Variants in WDR7 observed in about 807,000 individuals in gnomAD.
WDR7 encodes the protein WD repeat-containing protein 7.
A neutral mutation model predicts 169.4 loss-of-function variants in WDR7; 46 were observed. The ratio of observed to expected loss-of-function variants is 0.27; its 90% CI spans 0.21 to 0.35. The LOEUF is 0.35. WDR7 is among the 10% of genes least tolerant of loss of function. WDR7 has a pLI of 1.00. For missense variants in WDR7, 1,534 were observed against 1,859.3 expected (o/e 0.83, Z 3.22); for synonymous variants, 612 against 666.8 (o/e 0.92, Z 1.27).
At position 56,757,261 on chromosome 18, in the gene WDR7, C is replaced by T. The variant is rs552040287; in HGVS notation, c.2668C>T (p.His890Tyr). The change falls in exon 15 of 28, where the codon CAT (histidine) becomes TAT (tyrosine). Residue 890 changes from histidine (H) to tyrosine (Y), a missense_variant. Physicochemically the swap from His to Tyr is moderately conservative, Grantham distance 83. Transcript: ENST00000254442. ...YGVSRAVTTQHLLSIISLANT... is the reference protein window; with the variant it reads ...YGVSRAVTTQYLLSIISLANT... ...AGTGTCCCGTGCCGTCACCACACAG[C>T]ATCTCCTGTCTATCATTTCTTTGGC... 6.2e-7 allele frequency: 1 copy of T among 1,614,158 alleles called. No homozygotes were observed. Among genetic ancestry groups the T allele is most frequent in the Non-Finnish European group, 8.5e-7 (1 of 1,180,034 alleles).
At chr18:56,754,886 T>C (rs1318419305) in intron 14 of WDR7, among the ~76,000 whole-genome samples, 4 of 152,174 alleles carry the variant, frequency 2.6e-5, no homozygotes, top group Non-Finnish European at 5.9e-5. Context: ...AATTACTCTT[T>C]TAAAACTATT....
At chr18:56,951,890 A>G (rs937862686) in intron 25 of WDR7, among the ~76,000 whole-genome samples, 3 of 152,214 alleles carry the variant, frequency 2.0e-5, no homozygotes, top group Non-Finnish European at 2.9e-5. Flanking sequence ...AGTTATAACT[A>G]TCAATATTTG....
chr18:56,661,456 T>C (rs639180), intron 1 of WDR7, among the ~76,000 whole-genome samples: 139,757 of 152,232 alleles, frequency 0.92, 65,319 homozygotes, highest in East Asian at 1. Flanking sequence ...GATTTATTTT[T>C]GACCAGATAG....
chr18:57,031,670 T>C (rs2048442373), downstream of WDR7: 1 of 152,236 alleles, frequency 6.6e-6, no homozygotes, highest in South Asian at 2.1e-4. Flanking sequence ...AGGCTGGAAA[T>C]TTTTATTTTG....
intron 21 of WDR7, among the ~76,000 whole-genome samples, chr18:56,912,901 G>A (rs376182378): frequency 2.0e-5 from 3 of 150,946 alleles, no homozygotes; most frequent in African/African-American, 7.3e-5. Flanking sequence ...TTTTGAGACG[G>A]TCTCACTCTG....
intron 1 of WDR7, among the ~76,000 whole-genome samples, chr18:56,671,723 G>C (rs1418097874): frequency 6.6e-6 from 1 of 152,196 alleles, no homozygotes; most frequent in African/African-American, 2.4e-5. Flanking sequence ...GGCTGCCTGG[G>C]TTCTGATCTG....
At chr18:56,975,297 A>G (rs147835313) in intron 26 of WDR7, among the ~76,000 whole-genome samples, 1,549 of 152,246 alleles carry the variant, frequency 0.01, 15 homozygotes, top group Middle Eastern at 0.014. Context: ...GTGGGCAGAC[A>G]TGGGAGAAGA....
At chr18:56,716,030 A>AGTGT (rs10572330) in intron 12 of WDR7, among the ~76,000 whole-genome samples, 41,733 of 146,460 alleles carry the variant, frequency 0.28, 6,708 homozygotes, top group Admixed American at 0.45. Context: ...CATACGTAGC[A>AGTGT]GTGTGTGTGT....
chr18:56,934,972 G>T (rs756887095), intron 22 of WDR7, among the ~76,000 whole-genome samples: 1 of 152,108 alleles, frequency 6.6e-6, no homozygotes, highest in African/African-American at 2.4e-5. Context: ...GTTCCCAGTG[G>T]ATTATATATA....
At chr18:56,655,315 A>T (rs1348175051) in intron 1 of WDR7, among the ~76,000 whole-genome samples, 1 of 152,152 alleles carries the variant, frequency 6.6e-6, no homozygotes. Flanking sequence ...GATTCCTGCA[A>T]CTACCTCTGC....
At chr18:56,673,468 G>T (rs2025179038) in intron 2 of WDR7, among the ~76,000 whole-genome samples, 1 of 152,076 alleles carries the variant, frequency 6.6e-6, no homozygotes, top group African/African-American at 2.4e-5. Context: ...CGTTCATAAA[G>T]TTGCGCGGCC....
chr18:56,777,198 G>A (rs2044253907), intron 17 of WDR7, among the ~76,000 whole-genome samples: 1 of 152,190 alleles, frequency 6.6e-6, no homozygotes, highest in South Asian at 2.1e-4. Context: ...TGGCATTAGA[G>A]CTAATGAATT....
chr18:57,014,752 G>A (rs1417875602), intron 26 of WDR7, among the ~76,000 whole-genome samples: 1 of 152,098 alleles, frequency 6.6e-6, no homozygotes, highest in Non-Finnish European at 1.5e-5. Flanking sequence ...AAGATGTCTT[G>A]ATTGGAAAGC....
At position 56,962,494 on chromosome 18, in the gene WDR7, G is replaced by C. The variant is rs2047351681; in HGVS notation, c.4129G>C (p.Val1377Leu). 1 of 1,612,920 alleles carries C rather than the reference G, an allele frequency of 6.2e-7. No homozygotes were observed. The highest frequency in any genetic ancestry group is 1.7e-5 in the Admixed American group (1 of 59,886). The change falls in exon 26 of 28, where the codon GTG (valine) becomes CTG (leucine). Residue 1377 changes from valine (V) to leucine (L), a missense_variant. By Grantham distance (32) the Val-to-Leu change is conservative. Transcript: ENST00000254442. ...RIAVGARHGS[V>L]ALYDIRTGKC... is the part of the protein sequence containing the mutation. Reference sequence around the variant, plus strand: ...AGCAGTTGGAGCTCGCCATGGTTCAGTGGCCCTGTACGACATCCGGACTGG... The same window carrying C: ...AGCAGTTGGAGCTCGCCATGGTTCACTGGCCCTGTACGACATCCGGACTGG...
intron 20 of WDR7, among the ~76,000 whole-genome samples, chr18:56,864,894 AAGAAAG>A (rs760918675): frequency 5.9e-5 from 9 of 151,472 alleles, no homozygotes; most frequent in Non-Finnish European, 1.2e-4. Flanking sequence ...ACTCAATGAG[AAGAAAG>A]ACACTGGGTT....
At chr18:56,834,719 T>G (rs1014522519) in intron 20 of WDR7, among the ~76,000 whole-genome samples, 1 of 152,156 alleles carries the variant, frequency 6.6e-6, no homozygotes, top group Non-Finnish European at 1.5e-5. Context: ...CTGGTTTACT[T>G]TAGAAGGCAT....
rs566599957 is a variant in WDR7, at chr18:56,907,854, G to A, written c.3527-16068G>A. 7.9e-5 allele frequency among the ~76,000 whole-genome samples: 12 copies of A among 152,160 alleles called. No individual in the cohort carries two copies. In the East Asian group the frequency reaches 9.7e-4, roughly 12 times the overall value. ...CATTAGTGCCCAGGACCCCCACCTC[G>A]TAATACCATCACCTTGGGGGTTACA... is the stretch of plus-strand genomic sequence containing the variant. On this transcript the variant is annotated intron_variant, in intron 21 of 27. Coordinates refer to ENST00000254442, the MANE Select transcript of WDR7 (RefSeq NM_015285.3).
At chr18:56,773,982 T>C (rs2044204198) in intron 16 of WDR7, among the ~76,000 whole-genome samples, 1 of 151,608 alleles carries the variant, frequency 6.6e-6, no homozygotes, top group African/African-American at 2.4e-5. Flanking sequence ...CATTAAATAA[T>C]TGTATTCTTT....
chr18:56,972,230 T>C lies in WDR7; in HGVS notation c.4164+9701T>C, dbSNP rs1297741251. On this transcript the variant is annotated intron_variant, in intron 26 of 27. Transcript: ENST00000254442. ...ACAGAAATGTCAGCAAACACACCTA[T>C]ATTAATGGAAGTTTGGAAAGCAATG... 2.6e-5 allele frequency among the ~76,000 whole-genome samples: 4 copies of C among 152,262 alleles called. No homozygotes were observed. In the South Asian group the frequency reaches 8.3e-4, roughly 32 times the overall value.
Sources: gnomAD v4.1 joint callset for allele counts (sites outside exome capture counted in the v4.1 genomes callset) on GRCh38, gnomAD v4.1.1 for gene constraint, MANE v1.5 for transcripts, NCBI Gene and HGNC (gene_info 2026-07-23, HGNC 2026-07-21) for gene names.